The following UTRN variants were observed in gnomAD, a reference collection of about 807,000 sequenced individuals.
The protein encoded by UTRN is utrophin.
In UTRN, 283 loss-of-function variants were observed where a neutral mutation model predicts 463.9. The ratio of observed to expected loss-of-function variants is 0.61; its 90% CI spans 0.55 to 0.67. The LOEUF is 0.67. Ranked by LOEUF, UTRN falls within the 30% of genes least tolerant of loss-of-function variation. The pLI is 0.00. For synonymous variants in UTRN, 1,442 were observed against 1,431.5 expected (o/e 1.01, Z -0.17); for missense variants, 3,922 against 4,084.3 (o/e 0.96, Z 1.08).
chr6:144,439,663 T>G (rs1359556749), intron 12 of UTRN, among the ~76,000 whole-genome samples: 1 of 152,042 alleles, frequency 6.6e-6, no homozygotes, highest in African/African-American at 2.4e-5. Flanking sequence ...CAGCTAATTT[T>G]TTGTATTTTT....
At chr6:144,618,750 G>A (rs922795574) in intron 51 of UTRN, among the ~76,000 whole-genome samples, 1 of 151,854 alleles carries the variant, frequency 6.6e-6, no homozygotes, top group Non-Finnish European at 1.5e-5. Context: ...TTAAAGTTTG[G>A]AAATTAAAAT....
rs886912397 is a variant in UTRN, at chr6:144,678,475, G to A, written c.7549G>A (p.Val2517Ile). 1 of 1,613,436 alleles carries A rather than the reference G, an allele frequency of 6.2e-7. No homozygotes were observed. Among genetic ancestry groups the A allele is most frequent in the African/African-American group, 1.3e-5 (1 of 75,002 alleles). Residue 2517 changes from valine to isoleucine, a missense_variant, in exon 52 of 75, where the codon GTA becomes ATA. Val to Ile is a conservative substitution (Grantham distance 29). Transcript: ENST00000367545. ...KSIDGNRQKM[V>I]KALGNSEEAT... ...CATTGACGGAAACAGGCAGAAGATG[G>A]TAAAAGCTTTGGGAAATTCTGAAGA... is the stretch of plus-strand genomic sequence containing the variant.
chr6:144,349,636 G>A (rs1777935969), intron 2 of UTRN, among the ~76,000 whole-genome samples: 1 of 152,098 alleles, frequency 6.6e-6, no homozygotes. Context: ...TATTCATCAT[G>A]GTACTTGAAA....
rs1041647334 is a variant in UTRN at position 144,717,706 on chromosome 6, G to A, written c.7810-12651G>A. 2.9e-5 allele frequency among the ~76,000 whole-genome samples: 4 copies of A among 140,084 alleles called. No individual in the cohort carries two copies. In the Admixed American group the frequency reaches 3.2e-4, roughly 11 times the overall value. The allele number at this position is 140,084 out of a possible 152,430, so 91.9% of individuals were successfully genotyped here. ...GCTGGACTGCAATGGCTCGATCTCG[G>A]CTCACTGCAACCTCCGCCTCCCGGG... is the stretch of plus-strand genomic sequence containing the variant. On this transcript the variant is annotated intron_variant, in intron 53 of 74. Transcript: ENST00000367545.
At chr6:144,352,227 T>A (rs539093939) in intron 2 of UTRN, among the ~76,000 whole-genome samples, 9 of 152,190 alleles carry the variant, frequency 5.9e-5, no homozygotes, top group Non-Finnish European at 1.0e-4. Context: ...TAATCAGTAT[T>A]TATTATCTAA....
chr6:144,830,289 T>C (rs1399606932), intron 69 of UTRN, among the ~76,000 whole-genome samples: 1 of 152,174 alleles, frequency 6.6e-6, no homozygotes, highest in Non-Finnish European at 1.5e-5. Flanking sequence ...AACAGTCAGA[T>C]ACATTTTAAT....
At position 144,522,043 on chromosome 6, in the gene UTRN, C is replaced by T. The variant is rs1796152198; in HGVS notation, c.5605C>T (p.Pro1869Ser). ...TTCTGGAATTAGATCATCACTTCTT[C>T]CTACAGATTATCTGGTTGAAATTAA... ...LASGIRSSLL[P>S]TDYLVEINKI... is the part of the protein sequence containing the mutation. Residue 1869 changes from proline (P) to serine (S), a missense_variant, in exon 40 of 75, where the codon CCT becomes TCT. Pro to Ser is a moderately conservative substitution (Grantham distance 74, BLOSUM62 -1). Coordinates refer to ENST00000367545, the MANE Select transcript of UTRN (RefSeq NM_007124.3). 1.3e-6 allele frequency: 2 copies of T among 1,591,334 alleles called. No individual in the cohort carries two copies. Among genetic ancestry groups the T allele is most frequent in the South Asian group, 2.3e-5 (2 of 87,776 alleles).
At chr6:144,801,946 A>G (rs1163234877) in intron 64 of UTRN, among the ~76,000 whole-genome samples, 1 of 152,180 alleles carries the variant, frequency 6.6e-6, no homozygotes, top group Non-Finnish European at 1.5e-5. Context: ...AATTCCAATT[A>G]GAACCCCCAC....
chr6:144,775,199 T>C (rs1775213372), intron 60 of UTRN, among the ~76,000 whole-genome samples: 1 of 152,230 alleles, frequency 6.6e-6, no homozygotes, highest in Admixed American at 6.5e-5. Flanking sequence ...AAAAATGATA[T>C]GTTAAGGTTG....
intron 3 of UTRN, among the ~76,000 whole-genome samples, chr6:144,412,718 GTT>G (rs1784007796): frequency 7.5e-6 from 1 of 134,224 alleles, no homozygotes; most frequent in African/African-American, 3.3e-5. Flanking sequence ...CACTATATAT[GTT>G]TGTGTGTGTG....
intron 53 of UTRN, among the ~76,000 whole-genome samples, chr6:144,703,022 AGAG>A (rs1252588817): frequency 6.6e-6 from 1 of 152,202 alleles, no homozygotes; most frequent in African/African-American, 2.4e-5. Context: ...AGTAGAATAT[AGAG>A]GAGTTCAGCA....
intron 69 of UTRN, among the ~76,000 whole-genome samples, chr6:144,829,948 A>C (rs957197897): frequency 1.3e-5 from 2 of 152,158 alleles, no homozygotes; most frequent in Non-Finnish European, 2.9e-5. Context: ...TTCCCAAATC[A>C]AAATAAAGGT....
chr6:144,780,905 G>A (rs936916953), intron 60 of UTRN, among the ~76,000 whole-genome samples: 3 of 152,100 alleles, frequency 2.0e-5, no homozygotes, highest in Non-Finnish European at 4.4e-5. Context: ...TGGATCTCTT[G>A]TATTTTATCC....
chr6:144,763,891 C>G (rs180947346), intron 58 of UTRN, among the ~76,000 whole-genome samples: 1 of 152,126 alleles, frequency 6.6e-6, no homozygotes, highest in African/African-American at 2.4e-5. Context: ...TCTCCCTTCC[C>G]TCTTTCGTGA....
Position 144,735,749 on chromosome 6 carries a change from T to A in UTRN, c.7939+5263T>A, listed in dbSNP as rs557838343. Among the ~76,000 whole-genome samples, 3 of 152,262 alleles carry A rather than the reference T, an allele frequency of 2.0e-5. No homozygotes were observed. The South Asian group carries it at 6.2e-4, about 32-fold the overall frequency. ...TTACATCACTAAAACGCCACATTAT[T>A]CTGGACTCTTCTCAGTGGTCAGTCA... On this transcript the variant is annotated intron_variant, in intron 54 of 74. Transcript: ENST00000367545.
intron 50 of UTRN, among the ~76,000 whole-genome samples, chr6:144,569,011 G>T (rs1800682288): frequency 6.6e-6 from 1 of 152,004 alleles, no homozygotes; most frequent in Non-Finnish European, 1.5e-5. Flanking sequence ...TCTAATTTCA[G>T]TGATTTTATT....
chr6:144,536,468 G>A (rs181633505), intron 43 of UTRN, among the ~76,000 whole-genome samples: 1,619 of 152,100 alleles, frequency 0.011, 13 homozygotes, highest in Admixed American at 0.015. Context: ...AATCTTAAAG[G>A]AGCATTCTTT....
chr6:144,449,834 C>T (rs979342212), intron 17 of UTRN, among the ~76,000 whole-genome samples: 5 of 152,168 alleles, frequency 3.3e-5, no homozygotes, highest in African/African-American at 9.7e-5. Flanking sequence ...TGAATCCCAG[C>T]CTCACCCTTT....
At chr6:144,338,336 TA>T (rs112400780) in intron 2 of UTRN, among the ~76,000 whole-genome samples, 80 of 148,952 alleles carry the variant, frequency 5.4e-4, no homozygotes, top group Middle Eastern at 3.4e-3. Flanking sequence ...ACAAATGGGT[TA>T]AAAAAAAAAC....
Sources: allele counts gnomAD v4.1 joint callset (sites outside exome capture counted in the v4.1 genomes callset), GRCh38; gene constraint gnomAD v4.1.1; transcripts MANE v1.5; gene names NCBI Gene and HGNC (gene_info 2026-07-23, HGNC 2026-07-21).